SLC28A3: variants seen among roughly 807,000 people sequenced by gnomAD.
SLC28A3 encodes solute carrier family 28 member 3.
In SLC28A3, 68 loss-of-function variants were observed where a neutral mutation model predicts 84.2. The ratio of observed to expected loss-of-function variants is 0.81; its 90% CI spans 0.66 to 0.99. The LOEUF (loss-of-function observed/expected upper bound fraction) is 0.99. SLC28A3 is among the 50% of genes least tolerant of loss of function. SLC28A3 has a pLI of 0.00. For synonymous variants in SLC28A3, 267 were observed against 303.6 expected (o/e 0.88, Z 1.25); for missense variants, 712 against 841.5 (o/e 0.85, Z 1.90).
the SLC28A3 span, among the ~76,000 whole-genome samples, chr9:84,360,244 G>A: frequency 5.3e-5 from 8 of 152,054 alleles, no homozygotes; most frequent in Admixed American, 2.0e-4. Flanking sequence ...CAGATTGGAA[G>A]TTGGGATGCC....
chr9:84,357,650 G>A, the SLC28A3 span, among the ~76,000 whole-genome samples: 1 of 151,994 alleles, frequency 6.6e-6, no homozygotes, highest in East Asian at 1.9e-4. Context: ...TGAGCCCCAG[G>A]CAGCACTGCC....
chr9:84,344,796 AC>A (rs896120551), upstream of SLC28A3, among the ~76,000 whole-genome samples: 2 of 151,920 alleles, frequency 1.3e-5, no homozygotes, highest in African/African-American at 4.8e-5. Flanking sequence ...TGGAAGCCCA[AC>A]CCCCTCCTCC....
Position 84,302,311 on chromosome 9 carries a change from G to A in SLC28A3, c.413C>T (p.Ala138Val). 1 of 1,614,138 alleles carries A rather than the reference G, an allele frequency of 6.2e-7. No individual in the cohort carries two copies. The highest frequency in any genetic ancestry group is 8.5e-7 in the Non-Finnish European group (1 of 1,180,014). ...GTGATCCCAGACAACAAAGAAGATGGCAGCCACGGTGATCACAAAAAGAGG... is the reference window on the plus strand; with the variant it reads ...GTGATCCCAGACAACAAAGAAGATGACAGCCACGGTGATCACAAAAAGAGG... ...ALPLFVITVA[A>V]IFFVVWDHLM... Residue 138 changes from alanine (A) to valine (V), a missense_variant, in exon 5 of 18, where the codon GCC becomes GTC. Physicochemically the swap from Ala to Val is moderately conservative, Grantham distance 64. Coordinates refer to ENST00000376238, the MANE Select transcript of SLC28A3 (RefSeq NM_001199633.2).
chr9:84,333,173 T>C (rs967980209), intron 1 of SLC28A3, among the ~76,000 whole-genome samples: 2 of 152,186 alleles, frequency 1.3e-5, no homozygotes, highest in African/African-American at 2.4e-5. Context: ...GCATTTTACA[T>C]AAGATAATAC....
rs370954530 is a variant in SLC28A3, at chr9:84,315,985, G to A, written c.61-2531C>T. ...ATTGCATTGTGAGTATGTCTAGGCC[G>A]TTTACAGCTTACACATTTAATTTCT... On this transcript the variant is annotated intron_variant, in intron 1 of 17. Transcript: ENST00000376238. Among the ~76,000 whole-genome samples, 63 of 152,318 alleles carry A rather than the reference G, an allele frequency of 4.1e-4. 1 individual carries two copies. In the South Asian group the frequency reaches 0.011, roughly 27 times the overall value.
the SLC28A3 span, among the ~76,000 whole-genome samples, chr9:84,351,976 T>C: frequency 6.6e-6 from 1 of 152,020 alleles, no homozygotes; most frequent in African/African-American, 2.4e-5. Flanking sequence ...AATGAGAGTT[T>C]TTTGCATTAT....
At chr9:84,282,120 C>T (rs547342216) in intron 14 of SLC28A3, among the ~76,000 whole-genome samples, 13 of 152,030 alleles carry the variant, frequency 8.6e-5, no homozygotes, top group South Asian at 2.1e-4. Flanking sequence ...ACAGCCTGGG[C>T]GACAGAGTGA....
chr9:84,276,027 C>A lies in SLC28A3; in HGVS notation c.*2191G>T, dbSNP rs1208582305. 6.6e-6 allele frequency: 1 copy of A among 152,038 alleles called. No homozygotes were observed. Among genetic ancestry groups the A allele is most frequent in the Non-Finnish European group, 1.5e-5 (1 of 68,016 alleles). 9.4% of individuals were successfully genotyped at this position (152,038 alleles called of 1,614,324 possible). A position where few individuals can be genotyped will look rare whatever the true frequency, so the allele number is the denominator to read the frequency against. On this transcript the variant is annotated 3_prime_UTR_variant, in exon 18 of 18. Transcript: ENST00000376238. ...AATCATCCTATGAATCTGCTCTGAC[C>A]AATATGGTAGCCACTAATACCTGAA...
intron 1 of SLC28A3, among the ~76,000 whole-genome samples, chr9:84,338,845 C>A (rs545775800): frequency 2.1e-4 from 32 of 152,230 alleles, no homozygotes; most frequent in African/African-American, 6.7e-4. Flanking sequence ...CACATTTTGG[C>A]ACAAGAATAT....
chr9:84,332,640 G>T (rs1220853194), intron 1 of SLC28A3, among the ~76,000 whole-genome samples: 1 of 152,044 alleles, frequency 6.6e-6, no homozygotes, highest in Admixed American at 6.6e-5. Flanking sequence ...TTCATTGTAA[G>T]GCTTTTGGAG....
intron 14 of SLC28A3, 23 bp from the exon 15 acceptor site, chr9:84,280,905 A>G: frequency 6.2e-7 from 1 of 1,610,244 alleles, no homozygotes; most frequent in Non-Finnish European, 8.5e-7. Flanking sequence ...ATAAACACAT[A>G]TGTATACACA....
At chr9:84,348,940 C>A in the SLC28A3 span, among the ~76,000 whole-genome samples, 4 of 150,024 alleles carry the variant, frequency 2.7e-5, no homozygotes, top group Admixed American at 2.7e-4. Flanking sequence ...TGGAGTTTCA[C>A]TCTTTTGCCC....
intron 10 of SLC28A3, among the ~76,000 whole-genome samples, chr9:84,292,363 C>T (rs964665713): frequency 2.6e-5 from 4 of 152,166 alleles, no homozygotes; most frequent in African/African-American, 9.7e-5. Flanking sequence ...AATAAAATGA[C>T]AACCTTCCAT....
At chr9:84,320,675 C>T (rs1826345853) in intron 1 of SLC28A3, among the ~76,000 whole-genome samples, 1 of 151,930 alleles carries the variant, frequency 6.6e-6, no homozygotes. Flanking sequence ...ATATGTGGTC[C>T]CTATTCTCAG....
chr9:84,350,660 A>G, the SLC28A3 span, among the ~76,000 whole-genome samples: 1 of 152,110 alleles, frequency 6.6e-6, no homozygotes, highest in Admixed American at 6.6e-5. Context: ...CACTTAGGTT[A>G]CACCAAATTT....
intron 10 of SLC28A3, 165 bp downstream of exon 10, chr9:84,292,503 C>T: frequency 1.8e-6 from 1 of 547,420 alleles, no homozygotes; most frequent in Non-Finnish European, 3.2e-6. Flanking sequence ...CTCTGTCTCT[C>T]TCTCTTCTCC....
At chr9:84,339,365 T>C (rs988798174) in intron 1 of SLC28A3, among the ~76,000 whole-genome samples, 3 of 152,140 alleles carry the variant, frequency 2.0e-5, no homozygotes, top group Admixed American at 2.0e-4. Flanking sequence ...TTCTCCTGCC[T>C]CGGCCTCCCG....
intron 6 of SLC28A3, among the ~76,000 whole-genome samples, chr9:84,298,444 G>A (rs761232270): frequency 3.9e-5 from 6 of 152,070 alleles, no homozygotes; most frequent in African/African-American, 1.2e-4. Context: ...CTGAGATCGC[G>A]CCACTTCACT....
At chr9:84,360,403 C>T in the SLC28A3 span, among the ~76,000 whole-genome samples, 14 of 151,982 alleles carry the variant, frequency 9.2e-5, no homozygotes, top group African/African-American at 3.4e-4. Context: ...ACCAATCATA[C>T]AGGTTGGCTG....
Sources: gnomAD v4.1 joint callset for allele counts (sites outside exome capture counted in the v4.1 genomes callset) on GRCh38, gnomAD v4.1.1 for gene constraint, MANE v1.5 for transcripts, NCBI Gene and HGNC (gene_info 2026-07-23, HGNC 2026-07-21) for gene names.